MTHFD2L: variants seen among roughly 807,000 people sequenced by gnomAD.
MTHFD2L encodes the protein bifunctional methylenetetrahydrofolate dehydrogenase/cyclohydrolase 2, mitochondrial.
A neutral mutation model predicts 34.9 loss-of-function variants in MTHFD2L; 29 were observed. The ratio of observed to expected loss-of-function variants is 0.83; its 90% CI spans 0.62 to 1.13. MTHFD2L has a LOEUF of 1.13. Ranked by LOEUF, MTHFD2L falls within the 50% of genes most tolerant of loss-of-function variation. The pLI, the probability that MTHFD2L is intolerant of heterozygous loss-of-function variation, is 0.00. For synonymous variants in MTHFD2L, 167 were observed against 155.7 expected (o/e 1.07, Z -0.54); for missense variants, 481 against 446.5 (o/e 1.08, Z -0.70).
intron 6 of MTHFD2L, among the ~76,000 whole-genome samples, chr4:74,260,185 G>A (rs576638690): frequency 1.1e-3 from 173 of 152,262 alleles, no homozygotes; most frequent in African/African-American, 4.0e-3. Context: ...TGGCAAGAGT[G>A]GGCCACTCTA....
intron 1 of MTHFD2L, among the ~76,000 whole-genome samples, chr4:74,144,209 T>C (rs1277435244): frequency 3.3e-5 from 5 of 152,298 alleles, no homozygotes; most frequent in African/African-American, 7.2e-5. Flanking sequence ...TCCCAGCATT[T>C]TGGGAGGCTG....
chr4:74,283,729 A>G (rs988488965), intron 7 of MTHFD2L, among the ~76,000 whole-genome samples: 3 of 152,160 alleles, frequency 2.0e-5, no homozygotes, highest in Non-Finnish European at 4.4e-5. Context: ...GATTAGTTGT[A>G]TCTAGCTTGC....
At chr4:74,162,702 G>C (rs887772385) in intron 1 of MTHFD2L, among the ~76,000 whole-genome samples, 1 of 152,104 alleles carries the variant, frequency 6.6e-6, no homozygotes, top group African/African-American at 2.4e-5. Context: ...ACTAAAGGAA[G>C]TAGATAGACA....
chr4:74,196,684 C>G (rs781051723), intron 3 of MTHFD2L, among the ~76,000 whole-genome samples: 1 of 151,994 alleles, frequency 6.6e-6, no homozygotes, highest in South Asian at 2.1e-4. Context: ...CTCAGTGGCT[C>G]ATGCCTGTAA....
intron 5 of MTHFD2L, among the ~76,000 whole-genome samples, chr4:74,218,081 A>C (rs907403613): frequency 3.9e-5 from 6 of 152,170 alleles, no homozygotes; most frequent in African/African-American, 1.4e-4. Flanking sequence ...TCCATATGAG[A>C]ATAGAGAATT....
intron 7 of MTHFD2L, among the ~76,000 whole-genome samples, chr4:74,300,535 A>G (rs1213329057): frequency 6.6e-6 from 1 of 152,078 alleles, no homozygotes; most frequent in Non-Finnish European, 1.5e-5. Flanking sequence ...ATAATGTCAG[A>G]TTATGCATTA....
At chr4:74,121,913 TATCTTCAAGCCAAGGAGAGAG>T (rs1721785124), upstream of MTHFD2L, among the ~76,000 whole-genome samples, 1 of 151,994 alleles carries the variant, frequency 6.6e-6, no homozygotes, top group Non-Finnish European at 1.5e-5. Flanking sequence ...AGAAGGCAAC[TATCTTCAAGCCAAGGAGAGAG>T]TCCTCAGAAA....
chr4:74,267,956 C>A, intron 6 of MTHFD2L: 2 of 985,266 alleles, frequency 2.0e-6, no homozygotes, highest in South Asian at 4.7e-5. Context: ...CCTGGTACCA[C>A]AAGGAATAGA....
Position 74,272,502 on chromosome 4 carries a change from A to AT in MTHFD2L, c.806-8917dup, listed in dbSNP as rs1238707746. Among the ~76,000 whole-genome samples the AT allele has an allele frequency of 3.3e-5, 5 of 151,866 alleles. No individual in the cohort carries two copies. The East Asian group carries it at 9.7e-4, about 29-fold the overall frequency. ...AAGCACTTCCATTTTTACATCCTTC[A>AT]TTTTTTCCCTTTATTTTTAATATAT... On this transcript the variant is annotated intron_variant, in intron 6 of 7. Coordinates refer to ENST00000325278, the MANE Select transcript of MTHFD2L (RefSeq NM_001144978.3).
chr4:74,298,698 A>G (rs1749925790), intron 7 of MTHFD2L, among the ~76,000 whole-genome samples: 1 of 151,992 alleles, frequency 6.6e-6, no homozygotes, highest in Admixed American at 6.6e-5. Flanking sequence ...TTATAGTCAA[A>G]ATGTTGGAAA....
intron 6 of MTHFD2L, among the ~76,000 whole-genome samples, chr4:74,236,482 G>T (rs1180835455): frequency 6.6e-6 from 1 of 152,196 alleles, no homozygotes; most frequent in Admixed American, 6.5e-5. Flanking sequence ...TAGCCATCCA[G>T]TGTATTCTCT....
rs181885540 is a variant in MTHFD2L, at chr4:74,232,730, T to A, written c.805+7336T>A. 5.3e-5 allele frequency among the ~76,000 whole-genome samples: 8 copies of A among 152,330 alleles called. No homozygotes were observed. The East Asian group carries it at 1.2e-3, about 22-fold the overall frequency. ...CCTTGTACTGTTTTATATTTATACA[T>A]AGATCTAAATATTTAAACAATTCTT... On this transcript the variant is annotated intron_variant, in intron 6 of 7. Coordinates refer to ENST00000325278, the MANE Select transcript of MTHFD2L (RefSeq NM_001144978.3).
At chr4:74,135,471 A>C (rs976782339) in intron 1 of MTHFD2L, among the ~76,000 whole-genome samples, 3 of 152,166 alleles carry the variant, frequency 2.0e-5, no homozygotes, top group African/African-American at 7.2e-5. Context: ...GAAAACCTCA[A>C]TAAGCCAATA....
intron 6 of MTHFD2L, among the ~76,000 whole-genome samples, chr4:74,263,401 A>G (rs1744914667): frequency 6.6e-6 from 1 of 152,030 alleles, no homozygotes; most frequent in South Asian, 2.1e-4. Flanking sequence ...AATTGAATCT[A>G]TAAATTGCTT....
chr4:74,211,830 T>C (rs993615108), intron 5 of MTHFD2L, among the ~76,000 whole-genome samples: 6 of 152,088 alleles, frequency 3.9e-5, no homozygotes, highest in Admixed American at 1.3e-4. Flanking sequence ...TTTTTTGGGT[T>C]GGTAGGCTAT....
At chr4:74,146,850 C>G (rs973986270) in intron 1 of MTHFD2L, among the ~76,000 whole-genome samples, 2 of 151,506 alleles carry the variant, frequency 1.3e-5, no homozygotes, top group African/African-American at 4.9e-5. Context: ...TTTCTTTTTC[C>G]TCCTCTGACT....
chr4:74,152,687 C>T (rs1220651931), intron 1 of MTHFD2L, among the ~76,000 whole-genome samples: 1 of 152,054 alleles, frequency 6.6e-6, no homozygotes, highest in Non-Finnish European at 1.5e-5. Flanking sequence ...TCTCCACCCC[C>T]TGACAGGCCC....
At chr4:74,299,813 G>A (rs1371548937) in intron 7 of MTHFD2L, among the ~76,000 whole-genome samples, 2 of 151,956 alleles carry the variant, frequency 1.3e-5, no homozygotes, top group Admixed American at 6.6e-5. Flanking sequence ...TCTAGTTAAG[G>A]GAACAGACAG....
Position 74,173,445 on chromosome 4 carries a change from C to A in MTHFD2L, c.144-1061C>A, listed in dbSNP as rs191561228. Among the ~76,000 whole-genome samples the A allele has an allele frequency of 7.9e-5, 12 of 152,292 alleles. No homozygotes were observed. In the East Asian group the frequency reaches 2.3e-3, roughly 29 times the overall value. ...TTGCATTGGGAAGGAACTAAACTATCGGTTTACTGACCTGATCCCCACCAT... is the reference window on the plus strand; with the variant it reads ...TTGCATTGGGAAGGAACTAAACTATAGGTTTACTGACCTGATCCCCACCAT... On this transcript the variant is annotated intron_variant, in intron 1 of 7. Transcript: ENST00000325278.
Sources: gnomAD v4.1 joint callset for allele counts (sites outside exome capture counted in the v4.1 genomes callset) on GRCh38, gnomAD v4.1.1 for gene constraint, MANE v1.5 for transcripts, NCBI Gene and HGNC (gene_info 2026-07-23, HGNC 2026-07-21) for gene names.